Variants in NLRP11 observed in about 807,000 individuals in gnomAD.
The protein encoded by NLRP11 is NLR family pyrin domain containing 11, also known as NACHT, LRR and PYD domains-containing protein 11.
In NLRP11, 53 loss-of-function variants were observed where a neutral mutation model predicts 79.3. The observed-to-expected ratio is 0.67, with a 90% CI of 0.54 to 0.84. The LOEUF is 0.84. Ranked by LOEUF, NLRP11 falls within the 40% of genes least tolerant of loss-of-function variation. The probability of loss-of-function intolerance (pLI) is 0.00; values close to 1 mark genes in which losing one functional copy is unlikely to be tolerated. For synonymous variants in NLRP11, 518 were observed against 462.6 expected, an observed-to-expected ratio of 1.12 and a Z score of -1.54; for missense variants, 1,264 against 1,255.0, an observed-to-expected ratio of 1.01 and a Z score of -0.11.
intron 5 of NLRP11, among the ~76,000 whole-genome samples, chr19:55,800,401 G>A (rs895007117): frequency 6.6e-6 from 1 of 152,164 alleles, no homozygotes; most frequent in African/African-American, 2.4e-5. Context: ...TCTGCCTCCT[G>A]GGTTCAAGCG....
intron 2 of NLRP11, among the ~76,000 whole-genome samples, chr19:55,815,484 G>T (rs191568161): frequency 1.1e-3 from 153 of 136,600 alleles, no homozygotes; most frequent in Admixed American, 2.9e-3. Flanking sequence ...AGCCGAGATT[G>T]TTCCATTGCA....
At chr19:55,798,036 A>T (rs1040168205) in intron 5 of NLRP11, among the ~76,000 whole-genome samples, 1 of 148,932 alleles carries the variant, frequency 6.7e-6, no homozygotes, top group Non-Finnish European at 1.5e-5. Context: ...TGCCCTTGTC[A>T]CCCAGGCTGG....
chr19:55,799,898 C>T (rs549090592), intron 5 of NLRP11, among the ~76,000 whole-genome samples: 2 of 152,128 alleles, frequency 1.3e-5, no homozygotes, highest in Non-Finnish European at 2.9e-5. Context: ...ACCCGGGAGG[C>T]GGAGGTTTTA....
Position 55,801,570 on chromosome 19 carries a change from A to G in NLRP11, c.2171+2T>C. On this transcript the variant is annotated splice_donor_variant, in intron 5 of 9. Coordinates refer to ENST00000589093, the Ensembl canonical transcript of NLRP11. LOFTEE classifies it high-confidence loss of function. The stretch of plus-strand genomic sequence containing the variant: ...TGAGCTTTCAGCCGAGCAACAACTC[A>G]CCTCAGATGACTTATTTGGCATGTG... The G allele has an allele frequency of 1.2e-6, 2 of 1,613,668 alleles. No homozygotes were observed. The highest frequency in any genetic ancestry group is 1.7e-6 in the Non-Finnish European group (2 of 1,179,642).
chr19:55,786,254 C>A (rs1989873106), intron 9 of NLRP11, among the ~76,000 whole-genome samples: 1 of 152,194 alleles, frequency 6.6e-6, no homozygotes, highest in African/African-American at 2.4e-5. Flanking sequence ...TGGACGCAGT[C>A]CAGTCCCACG....
chr19:55,805,537 T>TG, intron 4 of NLRP11, among the ~76,000 whole-genome samples: 1 of 129,612 alleles, frequency 7.7e-6, no homozygotes, highest in East Asian at 2.1e-4. Context: ...TTTAAGGTTT[T>TG]GTTTTTTTTT....
At chr19:55,810,323 C>T in exon 3 of NLRP11, 1 of 1,609,500 alleles carries the variant, frequency 6.2e-7, no homozygotes, top group Non-Finnish European at 8.5e-7. Flanking sequence ...GACAGCTTTG[C>T]ATGCCTCCTG....
rs986522205 is a variant in NLRP11 at position 55,787,114 on chromosome 19, T to C, written c.2856-1243A>G. 2.6e-5 allele frequency among the ~76,000 whole-genome samples: 4 copies of C among 152,328 alleles called. No individual in the cohort carries two copies. The South Asian group carries it at 8.3e-4, about 32-fold the overall frequency. On this transcript the variant is annotated intron_variant, in intron 9 of 9. Coordinates refer to ENST00000589093, the Ensembl canonical transcript of NLRP11. ...CCTCCTGTATTTTATTAATGGGTCA[T>C]CCGGATGCTTATACTTAGTCTCTAA...
chr19:55,834,140 A>T (rs1983037176), upstream of NLRP11, among the ~76,000 whole-genome samples: 1 of 152,214 alleles, frequency 6.6e-6, no homozygotes, highest in Non-Finnish European at 1.5e-5. Context: ...CATTTTGATC[A>T]ATTTGATTTC....
chr19:55,810,026 G>A (rs753997906), exon 3 of NLRP11: 1 of 1,614,040 alleles, frequency 6.2e-7, no homozygotes, highest in Non-Finnish European at 8.5e-7. Context: ...GCTGCTGTTG[G>A]TCATCTGGTT....
chr19:55,829,373 T>C (rs1982525250), intron 1 of NLRP11, among the ~76,000 whole-genome samples: 1 of 151,948 alleles, frequency 6.6e-6, no homozygotes, highest in Non-Finnish European at 1.5e-5. Context: ...ACTTAAAAAA[T>C]CATACTTTAG....
chr19:55,809,563 C>T lies in NLRP11; in HGVS notation c.1047G>A (p.Leu349=). Residue 349 remains leucine, a synonymous_variant, in exon 3 of 10, where the codon CTG becomes CTA. Coordinates refer to ENST00000589093, the Ensembl canonical transcript of NLRP11. This position sits in a 1 kb window ranked among gnomAD's most constrained non-coding sequence, Gnocchi z 4.5. The stretch of plus-strand genomic sequence containing the variant: ...CACGCCCCTTGTCCATCTGCCGCTT[C>T]AGGACAGTACACGTGATCCAGCATA... 1.2e-6 allele frequency: 2 copies of T among 1,614,198 alleles called. No homozygotes were observed. Among genetic ancestry groups the T allele is most frequent in the South Asian group, 1.1e-5 (1 of 91,076 alleles).
chr19:55,831,953 G>A lies in NLRP11; in HGVS notation c.-63+10C>T, dbSNP rs1272366004. On this transcript the variant is annotated intron_variant, in intron 1 of 9. Coordinates refer to ENST00000589093, the Ensembl canonical transcript of NLRP11. ...TCCAAACAAACAAATCGGCCAGAAA[G>A]GTAACTCACCAACCCTGCCACCAGG... The A allele has an allele frequency of 6.6e-6, 1 of 152,178 alleles. No individual in the cohort carries two copies. The highest frequency in any genetic ancestry group is 1.5e-5 in the Non-Finnish European group (1 of 68,032). The allele number at this position is 152,178 out of a possible 1,614,324, so 9.4% of individuals were successfully genotyped here.
In NLRP11 at chr19:55,785,493, T is replaced by TCACACA. The variant is rs878891245; in HGVS notation, c.*126_*131dup. 9.9e-3 allele frequency: 4,196 copies of TCACACA among 423,804 alleles called. 19 individuals are homozygous for TCACACA. The highest frequency in any genetic ancestry group is 0.014 in the South Asian group (472 of 34,962). 26.3% of individuals were successfully genotyped at this position (423,804 alleles called of 1,614,324 possible). A position where few individuals can be genotyped will look rare whatever the true frequency, so the allele number is the denominator to read the frequency against. ...TTTGAAGTGGTTGACTGGATCAAGG[T>TCACACA]CACACACACACACACACACACACAC... On this transcript the variant is annotated 3_prime_UTR_variant, in exon 10 of 10. Coordinates refer to ENST00000589093, the Ensembl canonical transcript of NLRP11.
exon 2 of NLRP11, chr19:55,818,123 G>C (rs1464211465): frequency 6.2e-7 from 1 of 1,613,816 alleles, no homozygotes; most frequent in African/African-American, 1.3e-5. Flanking sequence ...TTGTCACTGA[G>C]ATTCTCTAGA....
rs771642343 is a variant in NLRP11, at chr19:55,809,101, C to A, written c.1509G>T (p.Arg503Ser). The A allele has an allele frequency of 1.2e-6, 2 of 1,613,724 alleles. No individual in the cohort carries two copies. Among genetic ancestry groups the A allele is most frequent in the Non-Finnish European group, 1.7e-6 (2 of 1,179,922 alleles). ...CAAAGGATGTCTCAAGAATCTTTCT[C>A]CTGTTTGCATTTAGAAGACCAAAAA... The change falls in exon 3 of 10, where the codon AGG (arginine) becomes AGT (serine). Residue 503 changes from arginine to serine, a missense_variant. Arg to Ser is a moderately radical substitution (Grantham distance 110, BLOSUM62 -1). Transcript: ENST00000589093. The surrounding 1 kb of genome is among the most constrained non-coding windows in gnomAD (Gnocchi z 4.5).
At chr19:55,827,166 A>G (rs1193826597) in intron 1 of NLRP11, among the ~76,000 whole-genome samples, 1 of 137,836 alleles carries the variant, frequency 7.3e-6, no homozygotes, top group Admixed American at 7.4e-5. Flanking sequence ...CAATGGGGAA[A>G]GGATTCCCTA....
At chr19:55,786,647 G>A (rs116781046) in intron 9 of NLRP11, among the ~76,000 whole-genome samples, 3,493 of 152,278 alleles carry the variant, frequency 0.023, 139 homozygotes, top group African/African-American at 0.078. Flanking sequence ...CTGCATGTGA[G>A]TGTCCCAATT....
intron 1 of NLRP11, among the ~76,000 whole-genome samples, chr19:55,823,574 T>G (rs2122907498): frequency 7.0e-6 from 1 of 142,432 alleles, no homozygotes; most frequent in East Asian, 2.3e-4. Context: ...TTAAAGGAGC[T>G]GATGGAGCTG....
Sources: gnomAD v4.1 joint callset for allele counts (sites outside exome capture counted in the v4.1 genomes callset) on GRCh38, gnomAD v4.1.1 for gene constraint, Gnocchi (gnomAD v3.1) non-coding constraint, MANE v1.5 for transcripts, NCBI Gene and HGNC (gene_info 2026-07-23, HGNC 2026-07-21) for gene names.